ERGIC1: variants seen among roughly 807,000 people sequenced by gnomAD.
ERGIC1 encodes the protein endoplasmic reticulum-Golgi intermediate compartment protein 1.
A neutral mutation model predicts 38.3 loss-of-function variants in ERGIC1; 19 were observed. The observed-to-expected ratio is 0.50, with a 90% CI of 0.35 to 0.73. The LOEUF (loss-of-function observed/expected upper bound fraction) is 0.73. ERGIC1 is among the 30% of genes least tolerant of loss of function. The pLI, the probability that ERGIC1 is intolerant of heterozygous loss-of-function variation, is 0.01. For missense variants in ERGIC1, 294 were observed against 389.2 expected, an observed-to-expected ratio of 0.76 and a Z score of 2.06; for synonymous variants, 124 against 157.6, an observed-to-expected ratio of 0.79 and a Z score of 1.60.
At chr5:172,870,057 C>A (rs532224077) in intron 1 of ERGIC1, among the ~76,000 whole-genome samples, 1 of 152,128 alleles carries the variant, frequency 6.6e-6, no homozygotes, top group South Asian at 2.1e-4. Context: ...ACTTTTATGT[C>A]TCTCTCTCTC....
At chr5:172,893,916 T>TATATATATATACACAC (rs1420718318) in intron 2 of ERGIC1, among the ~76,000 whole-genome samples, 1,891 of 81,674 alleles carry the variant, frequency 0.023, 171 homozygotes, top group East Asian at 0.037. Context: ...TGTGTGTGTG[T>TATATATATATACACAC]GTGTGTGTGT....
chr5:172,921,793 A>C (rs6861927), intron 5 of ERGIC1, among the ~76,000 whole-genome samples: 41,956 of 152,066 alleles, frequency 0.28, 6,662 homozygotes, highest in African/African-American at 0.43. Flanking sequence ...ACATGCTGGG[A>C]AGTTTCTGTC....
At chr5:172,873,569 G>A (rs1012638606) in intron 1 of ERGIC1, among the ~76,000 whole-genome samples, 5 of 152,236 alleles carry the variant, frequency 3.3e-5, no homozygotes, top group African/African-American at 4.8e-5. Flanking sequence ...GCACAGGAGA[G>A]CAGCGATGAG....
At chr5:172,858,049 G>A (rs1003463568) in intron 1 of ERGIC1, among the ~76,000 whole-genome samples, 4 of 152,196 alleles carry the variant, frequency 2.6e-5, no homozygotes, top group African/African-American at 9.6e-5. Context: ...GTTGACATGT[G>A]ACTATAAAGG....
intron 2 of ERGIC1, among the ~76,000 whole-genome samples, chr5:172,892,733 T>G (rs6889261): frequency 0.27 from 40,745 of 152,038 alleles, 6,129 homozygotes; most frequent in African/African-American, 0.41. Flanking sequence ...TCCTGTTGTG[T>G]TTTTTATTCA....
At position 172,932,634 on chromosome 5, in the gene ERGIC1, AT is replaced by A. The variant is rs569900508; in HGVS notation, c.642+100del. On this transcript the variant is annotated intron_variant, in intron 8 of 9. Transcript: ENST00000393784. ...GGCTGCACCGACGCACTTTCTTCTGATTCCTTTCTGGAGGCCTTTCCTGGGG... is the reference window on the plus strand; with the variant it reads ...GGCTGCACCGACGCACTTTCTTCTGATCCTTTCTGGAGGCCTTTCCTGGGG... The A allele has an allele frequency of 1.0e-4, 130 of 1,262,866 alleles. 2 individuals are homozygous for A. In the Middle Eastern group the frequency reaches 2.7e-3, roughly 26 times the overall value. 78.2% of individuals were successfully genotyped at this position (1,262,866 alleles called of 1,614,324 possible).
At chr5:172,896,650 G>T (rs1762729909) in intron 2 of ERGIC1, among the ~76,000 whole-genome samples, 1 of 152,246 alleles carries the variant, frequency 6.6e-6, no homozygotes, top group Non-Finnish European at 1.5e-5. Context: ...TCCAGATTGT[G>T]AAATATGTTG....
intron 4 of ERGIC1, among the ~76,000 whole-genome samples, chr5:172,914,262 A>G (rs986154824): frequency 2.7e-5 from 4 of 148,192 alleles, no homozygotes; most frequent in African/African-American, 1.0e-4. Context: ...AAAAAATACA[A>G]AGACTATCTG....
At position 172,892,337 on chromosome 5, in the gene ERGIC1, G is replaced by A. The variant is rs75439934; in HGVS notation, c.82+3577G>A. Reference sequence around the variant, plus strand: ...TTGTCCTTGAGGAGCACACGACTGGGCAGGGCGGGCTGACTTGGACACACA... The same window carrying A: ...TTGTCCTTGAGGAGCACACGACTGGACAGGGCGGGCTGACTTGGACACACA... On this transcript the variant is annotated intron_variant, in intron 2 of 9. Transcript: ENST00000393784. 2.0e-3 allele frequency among the ~76,000 whole-genome samples: 311 copies of A among 152,306 alleles called. 10 individuals carry two copies. In the East Asian group the frequency reaches 0.046, roughly 23 times the overall value.
chr5:172,918,533 C>A (rs906980891), intron 5 of ERGIC1, among the ~76,000 whole-genome samples: 8 of 152,192 alleles, frequency 5.3e-5, no homozygotes, highest in Non-Finnish European at 1.0e-4. Flanking sequence ...CTGGGCGGAA[C>A]CTGCAGCCTG....
At chr5:172,852,206 T>C (rs1761429079) in intron 1 of ERGIC1, among the ~76,000 whole-genome samples, 1 of 152,118 alleles carries the variant, frequency 6.6e-6, no homozygotes, top group Admixed American at 6.6e-5. Context: ...ATCAAGGCCA[T>C]CCCCTGATGG....
At chr5:172,879,687 A>G (rs1429603480) in intron 1 of ERGIC1, among the ~76,000 whole-genome samples, 3 of 152,230 alleles carry the variant, frequency 2.0e-5, no homozygotes, top group African/African-American at 7.2e-5. Flanking sequence ...TGGCTGTGAC[A>G]TCACCCATCG....
intron 3 of ERGIC1, among the ~76,000 whole-genome samples, chr5:172,900,483 G>C (rs1425467813): frequency 6.6e-6 from 1 of 152,018 alleles, no homozygotes; most frequent in South Asian, 2.1e-4. Context: ...AAGGCCAGAG[G>C]ATCACTTAGC....
At chr5:172,878,507 C>A (rs1762202353) in intron 1 of ERGIC1, among the ~76,000 whole-genome samples, 1 of 152,146 alleles carries the variant, frequency 6.6e-6, no homozygotes, top group Admixed American at 6.5e-5. Context: ...AAAGTGTAAG[C>A]CGAGGCTTCG....
At position 172,857,953 on chromosome 5, in the gene ERGIC1, G is replaced by A. The variant is rs80061816; in HGVS notation, c.20+23520G>A. The stretch of plus-strand genomic sequence containing the variant: ...CACTGTGCCAGGCACTGCGAGACTC[G>A]GTGGTGAACGGCAGGGATATAGCCC... On this transcript the variant is annotated intron_variant, in intron 1 of 9. Coordinates refer to ENST00000393784, the MANE Select transcript of ERGIC1 (RefSeq NM_001031711.3). Among the ~76,000 whole-genome samples the A allele has an allele frequency of 4.6e-4, 70 of 152,262 alleles. 2 individuals are homozygous for A. In the Middle Eastern group the frequency reaches 0.01, roughly 22 times the overall value.
chr5:172,898,025 C>A, intron 3 of ERGIC1: 1 of 407,122 alleles, frequency 2.5e-6, no homozygotes, highest in Non-Finnish European at 4.4e-6. Context: ...GGAATTAGAC[C>A]CAGGAGCTTC....
At chr5:172,899,112 G>C (rs1385049991) in intron 3 of ERGIC1, among the ~76,000 whole-genome samples, 3 of 152,108 alleles carry the variant, frequency 2.0e-5, no homozygotes, top group African/African-American at 7.2e-5. Context: ...CAGGCACCAG[G>C]CAGGTGGCTT....
chr5:172,841,277 G>C (rs1376553067), intron 1 of ERGIC1, among the ~76,000 whole-genome samples: 1 of 152,154 alleles, frequency 6.6e-6, no homozygotes, highest in African/African-American at 2.4e-5. Context: ...TGAACTCAGG[G>C]TTCTCCATAC....
Position 172,932,682 on chromosome 5 carries a change from TC to T in ERGIC1, c.642+149del. 7 of 746,358 alleles carry T rather than the reference TC, an allele frequency of 9.4e-6. No homozygotes were observed. In the South Asian group the frequency reaches 1.2e-4, roughly 13 times the overall value. 46.2% of individuals were successfully genotyped at this position (746,358 alleles called of 1,614,324 possible). ...GGGGGTTAGCTTGGGCCAGGCGCTG[TC>T]CCTGGGTAAAATTGAAAAGCCCAGT... On this transcript the variant is annotated intron_variant, in intron 8 of 9. Transcript: ENST00000393784.
Sources: gnomAD v4.1 joint callset for allele counts (sites outside exome capture counted in the v4.1 genomes callset) on GRCh38, gnomAD v4.1.1 for gene constraint, MANE v1.5 for transcripts, NCBI Gene and HGNC (gene_info 2026-07-23, HGNC 2026-07-21) for gene names.